The following PARVB variants were observed in gnomAD, a reference collection of about 807,000 sequenced individuals.
PARVB encodes the protein beta-parvin.
A neutral mutation model predicts 47.0 loss-of-function variants in PARVB; 46 were observed. The observed-to-expected ratio is 0.98, with a 90% CI of 0.77 to 1.25. The LOEUF is 1.25. PARVB is among the 50% of genes most tolerant of loss of function. PARVB has a pLI of 0.00. For synonymous variants in PARVB, 196 were observed against 196.3 expected (o/e 1.00, Z 0.01); for missense variants, 473 against 471.6 (o/e 1.00, Z -0.03).
upstream of PARVB, among the ~76,000 whole-genome samples, chr22:44,023,542 T>A (rs6006478): frequency 3.6e-5 from 3 of 82,602 alleles, no homozygotes; most frequent in Middle Eastern, 4.3e-3. Flanking sequence ...CAAAACAAAA[T>A]AAAATAAAAT....
chr22:44,123,468 T>G (rs1000223064), intron 4 of PARVB, among the ~76,000 whole-genome samples: 38 of 152,062 alleles, frequency 2.5e-4, no homozygotes, highest in African/African-American at 8.7e-4. Context: ...GCCTGGAGTG[T>G]GGGGGTACAA....
chr22:44,047,730 G>T (rs1277354171), intron 1 of PARVB, among the ~76,000 whole-genome samples: 1 of 152,302 alleles, frequency 6.6e-6, no homozygotes, highest in African/African-American at 2.4e-5. Context: ...CAAGCTTCTA[G>T]GGGTTAGAAT....
At chr22:44,025,786 C>A (rs1270097756) in intron 1 of PARVB, among the ~76,000 whole-genome samples, 3 of 152,206 alleles carry the variant, frequency 2.0e-5, no homozygotes, top group Non-Finnish European at 4.4e-5. Flanking sequence ...CATTTCGGTT[C>A]CTCTTTATGG....
chr22:44,132,312 C>T (rs1042094376), intron 5 of PARVB, among the ~76,000 whole-genome samples: 1 of 152,280 alleles, frequency 6.6e-6, no homozygotes, highest in Non-Finnish European at 1.5e-5. Context: ...TGGCTGGGTC[C>T]GTGGGTGGGG....
intron 1 of PARVB, among the ~76,000 whole-genome samples, chr22:44,044,706 A>C (rs1180031807): frequency 6.7e-6 from 1 of 148,850 alleles, no homozygotes; most frequent in Non-Finnish European, 1.5e-5. Context: ...GGTGGGTCTC[A>C]AACTCCTGAC....
intron 2 of PARVB, among the ~76,000 whole-genome samples, chr22:44,002,957 G>A (rs1003779487): frequency 2.6e-5 from 4 of 152,158 alleles, no homozygotes; most frequent in African/African-American, 7.2e-5. Flanking sequence ...AAACATTCAT[G>A]CAAAAGGAGA....
At chr22:44,016,356 A>G (rs1352105293) in intron 2 of PARVB, among the ~76,000 whole-genome samples, 1 of 152,056 alleles carries the variant, frequency 6.6e-6, no homozygotes, top group African/African-American at 2.4e-5. Context: ...TCAGCCTCCC[A>G]AAGTGCTGGG....
At chr22:44,128,307 G>A (rs1416290463) in intron 4 of PARVB, among the ~76,000 whole-genome samples, 2 of 152,212 alleles carry the variant, frequency 1.3e-5, no homozygotes, top group Non-Finnish European at 2.9e-5. Flanking sequence ...CATCACATGT[G>A]TACTCAACCC....
intron 3 of PARVB, among the ~76,000 whole-genome samples, chr22:44,116,596 G>T (rs1253407565): frequency 6.6e-6 from 1 of 152,226 alleles, no homozygotes; most frequent in Admixed American, 6.5e-5. Context: ...GCAAGTGCTG[G>T]TGCTGCGGAC....
chr22:44,121,776 G>T (rs1237605332), intron 4 of PARVB, among the ~76,000 whole-genome samples: 1 of 152,148 alleles, frequency 6.6e-6, no homozygotes, highest in Non-Finnish European at 1.5e-5. Context: ...TCTAATTCCA[G>T]TTCAATGCTA....
chr22:44,160,789 G>A (rs1484324017), intron 11 of PARVB, among the ~76,000 whole-genome samples: 3 of 152,202 alleles, frequency 2.0e-5, no homozygotes, highest in Non-Finnish European at 4.4e-5. Context: ...ATGAGGCTTG[G>A]AAGGGGCTTT....
At chr22:44,059,676 G>A (rs1351749053) in intron 1 of PARVB, among the ~76,000 whole-genome samples, 1 of 152,186 alleles carries the variant, frequency 6.6e-6, no homozygotes, top group African/African-American at 2.4e-5. Context: ...TGAATGTTGG[G>A]TGTACATTCA....
At chr22:44,094,749 C>T (rs1486403199) in intron 2 of PARVB, among the ~76,000 whole-genome samples, 1 of 151,710 alleles carries the variant, frequency 6.6e-6, no homozygotes, top group South Asian at 2.1e-4. Flanking sequence ...CCTCGGTTTC[C>T]CAAAGTGCAG....
chr22:44,061,843 C>T (rs1407298116), intron 1 of PARVB, among the ~76,000 whole-genome samples: 1 of 152,086 alleles, frequency 6.6e-6, no homozygotes, highest in African/African-American at 2.4e-5. Context: ...TCTCGAACTC[C>T]TGACCTCAGG....
chr22:44,148,327 C>T (rs1023672032), intron 9 of PARVB: 4 of 260,214 alleles, frequency 1.5e-5, no homozygotes, highest in African/African-American at 6.6e-5. Flanking sequence ...GGATTTGGCC[C>T]GTTTCCCTCC....
At chr22:44,066,595 C>T (rs1297030457) in intron 1 of PARVB, among the ~76,000 whole-genome samples, 3 of 152,130 alleles carry the variant, frequency 2.0e-5, no homozygotes, top group South Asian at 2.1e-4. Flanking sequence ...AGTAGGTGCA[C>T]GGCACACATC....
chr22:44,147,966 C>G (rs774919313), intron 9 of PARVB, 44 bp downstream of exon 9: 25 of 1,541,266 alleles, frequency 1.6e-5, no homozygotes, highest in Non-Finnish European at 2.2e-5. Flanking sequence ...CCCTGGCTCG[C>G]GGCTTTTTGA....
At chr22:44,061,409 C>T (rs938692033) in intron 1 of PARVB, among the ~76,000 whole-genome samples, 4 of 147,178 alleles carry the variant, frequency 2.7e-5, no homozygotes, top group Non-Finnish European at 4.5e-5. Flanking sequence ...CCAGCCTGGG[C>T]ATCAGAGCAA....
upstream of PARVB, among the ~76,000 whole-genome samples, chr22:44,023,974 C>T (rs533193259): frequency 3.9e-5 from 6 of 152,350 alleles, no homozygotes; most frequent in South Asian, 1.0e-3. Context: ...TGATTCTCTC[C>T]GGCTTTCAGG....
Sources: allele counts gnomAD v4.1 joint callset (sites outside exome capture counted in the v4.1 genomes callset), GRCh38; gene constraint gnomAD v4.1.1; transcripts MANE v1.5; gene names NCBI Gene and HGNC (gene_info 2026-07-23, HGNC 2026-07-21).